The following DSCAM variants were observed in gnomAD, a reference collection of about 807,000 sequenced individuals.
The protein encoded by DSCAM is DS cell adhesion molecule, also known as cell adhesion molecule DSCAM.
Under a neutral mutation model 217.7 loss-of-function variants are expected in DSCAM, and 47 were observed. The observed-to-expected ratio is 0.22, with a 90% CI of 0.17 to 0.28. The LOEUF (loss-of-function observed/expected upper bound fraction) is 0.28. Among genes scored for constraint, DSCAM ranks in the 10% least tolerant of loss-of-function variants. DSCAM has a pLI of 1.00. For missense variants in DSCAM, 2,080 were observed against 2,618.3 expected (o/e 0.79, Z 4.49); for synonymous variants, 1,056 against 1,015.3 (o/e 1.04, Z -0.76).
At chr21:40,419,315 T>C (rs150627417) in intron 3 of DSCAM, among the ~76,000 whole-genome samples, 1 of 152,254 alleles carries the variant, frequency 6.6e-6, no homozygotes, top group Admixed American at 6.5e-5. Context: ...CAAGAGTTCA[T>C]AAAATCCTGT....
intron 3 of DSCAM, among the ~76,000 whole-genome samples, chr21:40,620,930 G>A (rs1187667228): frequency 2.6e-5 from 4 of 152,228 alleles, no homozygotes; most frequent in African/African-American, 9.7e-5. Flanking sequence ...TGATGCGTGT[G>A]ACGACATTGA....
chr21:40,376,641 TAGATATCG>T (rs2074963889), intron 3 of DSCAM, among the ~76,000 whole-genome samples: 1 of 56,096 alleles, frequency 1.8e-5, no homozygotes, highest in African/African-American at 5.7e-5. Context: ...ATATCTTATA[TAGATATCG>T]ATATCTATAT....
intron 3 of DSCAM, among the ~76,000 whole-genome samples, chr21:40,584,610 G>A (rs942552194): frequency 2.0e-5 from 3 of 152,120 alleles, no homozygotes; most frequent in Admixed American, 2.0e-4. Context: ...CCTCAAAGAA[G>A]CAGCAGGGAC....
intron 3 of DSCAM, among the ~76,000 whole-genome samples, chr21:40,618,056 A>C (rs1348346131): frequency 7.9e-5 from 12 of 152,182 alleles, no homozygotes; most frequent in Admixed American, 7.2e-4. Flanking sequence ...AACTTTATTC[A>C]CTGACATTCT....
At chr21:40,358,017 T>C (rs915742623) in intron 4 of DSCAM, among the ~76,000 whole-genome samples, 12 of 152,168 alleles carry the variant, frequency 7.9e-5, no homozygotes, top group African/African-American at 2.9e-4. Context: ...GAGTAGGAAG[T>C]AGAAGTAGAG....
chr21:40,054,513 G>T (rs1023165801), intron 29 of DSCAM, among the ~76,000 whole-genome samples: 1 of 152,198 alleles, frequency 6.6e-6, no homozygotes, highest in African/African-American at 2.4e-5. Flanking sequence ...CTGCCTTCCC[G>T]GCAGGAGGCA....
chr21:40,836,711 C>A (rs770913829), intron 1 of DSCAM, among the ~76,000 whole-genome samples: 1 of 152,150 alleles, frequency 6.6e-6, no homozygotes, highest in African/African-American at 2.4e-5. Flanking sequence ...TCAGAACAGG[C>A]AAAGGCATGC....
intron 9 of DSCAM, among the ~76,000 whole-genome samples, chr21:40,299,210 A>G (rs1436521202): frequency 6.6e-6 from 1 of 152,240 alleles, no homozygotes; most frequent in Non-Finnish European, 1.5e-5. Context: ...CTGATATACC[A>G]TGCAACTTGA....
intron 1 of DSCAM, among the ~76,000 whole-genome samples, chr21:40,795,460 T>G (rs2123478780): frequency 6.6e-6 from 1 of 152,316 alleles, no homozygotes; most frequent in African/African-American, 2.4e-5. Context: ...CTCCTATTTA[T>G]TTAGGCTGGA....
chr21:40,830,424 C>T (rs907525075), intron 1 of DSCAM, among the ~76,000 whole-genome samples: 1 of 152,222 alleles, frequency 6.6e-6, no homozygotes, highest in Non-Finnish European at 1.5e-5. Context: ...ACCTCCAGCA[C>T]TGGGAATTAC....
chr21:40,177,731 C>T (rs73904715), intron 15 of DSCAM, among the ~76,000 whole-genome samples: 2 of 152,092 alleles, frequency 1.3e-5, no homozygotes, highest in African/African-American at 4.8e-5. Flanking sequence ...TTGTTAAACA[C>T]ATAGTGAGAG....
intron 11 of DSCAM, among the ~76,000 whole-genome samples, chr21:40,223,220 G>A (rs916876133): frequency 1.3e-5 from 2 of 152,200 alleles, no homozygotes; most frequent in African/African-American, 2.4e-5. Flanking sequence ...GCTTTGAGGA[G>A]GTCCCCAGGC....
intron 3 of DSCAM, among the ~76,000 whole-genome samples, chr21:40,682,318 T>A (rs1256631642): frequency 6.6e-6 from 1 of 151,920 alleles, no homozygotes; most frequent in Non-Finnish European, 1.5e-5. Context: ...TGGATGGGAT[T>A]GGACTTTTAG....
chr21:40,348,250 ATACGGTTCCTATCAGC>A (rs2074584037), intron 5 of DSCAM, among the ~76,000 whole-genome samples: 1 of 152,236 alleles, frequency 6.6e-6, no homozygotes, highest in Non-Finnish European at 1.5e-5. Flanking sequence ...ATCATACCCC[ATACGGTTCCTATCAGC>A]CACATTATTG....
intron 11 of DSCAM, among the ~76,000 whole-genome samples, chr21:40,231,193 C>T (rs77171902): frequency 1.4e-3 from 216 of 149,064 alleles, no homozygotes; most frequent in Middle Eastern, 0.01. Context: ...TTGATCTTCA[C>T]TGTGAGAATC....
intron 3 of DSCAM, among the ~76,000 whole-genome samples, chr21:40,488,371 C>A (rs117190866): frequency 0.01 from 1,548 of 152,216 alleles, 10 homozygotes; most frequent in Non-Finnish European, 0.013. Context: ...GGAAAAGAGA[C>A]GTTTGGTCTC....
chr21:40,755,144 T>C (rs1239902222), intron 1 of DSCAM, among the ~76,000 whole-genome samples: 1 of 151,948 alleles, frequency 6.6e-6, no homozygotes, highest in Non-Finnish European at 1.5e-5. Flanking sequence ...GGGATAAGGA[T>C]GAGGTTAAGA....
At chr21:40,799,235 C>A (rs1307269205) in intron 1 of DSCAM, among the ~76,000 whole-genome samples, 1 of 152,086 alleles carries the variant, frequency 6.6e-6, no homozygotes, top group Non-Finnish European at 1.5e-5. Flanking sequence ...ATTGCTGGGG[C>A]TTTGGGGTAG....
chr21:40,459,372 T>C (rs2075788417), intron 3 of DSCAM, among the ~76,000 whole-genome samples: 1 of 152,172 alleles, frequency 6.6e-6, no homozygotes, highest in Non-Finnish European at 1.5e-5. Context: ...TACCATTGTT[T>C]GCACAAAATA....
Sources: allele counts gnomAD v4.1 joint callset (sites outside exome capture counted in the v4.1 genomes callset), GRCh38; gene constraint gnomAD v4.1.1; transcripts MANE v1.5; gene names NCBI Gene and HGNC (gene_info 2026-07-23, HGNC 2026-07-21).